The following DNAH14 variants were observed in gnomAD, a reference collection of about 807,000 sequenced individuals.
DNAH14 encodes the protein dynein axonemal heavy chain 14.
A neutral mutation model predicts 520.9 loss-of-function variants in DNAH14; 478 were observed. That is an observed-to-expected ratio of 0.92 (90% confidence interval 0.85 to 0.99). The LOEUF (loss-of-function observed/expected upper bound fraction) is 0.99, where lower values mean the gene tolerates loss of function less well. Among genes scored for constraint, DNAH14 ranks in the 50% least tolerant of loss-of-function variants. The pLI, the probability that DNAH14 is intolerant of heterozygous loss-of-function variation, is 0.00. For missense variants in DNAH14, 4,831 were observed against 5,234.5 expected, an observed-to-expected ratio of 0.92 and a Z score of 2.38; for synonymous variants, 1,581 against 1,757.2, an observed-to-expected ratio of 0.90 and a Z score of 2.51.
At chr1:225,398,298 C>T (rs896425200) in intron 84 of DNAH14, among the ~76,000 whole-genome samples, 23 of 152,174 alleles carry the variant, frequency 1.5e-4, no homozygotes, top group African/African-American at 5.5e-4. Context: ...GGAAAAAATA[C>T]ATATATTTCA....
intron 46 of DNAH14, among the ~76,000 whole-genome samples, chr1:225,261,406 T>C (rs185765341): frequency 6.6e-6 from 1 of 152,356 alleles, no homozygotes; most frequent in Admixed American, 6.5e-5. Flanking sequence ...TTATAGTTTT[T>C]GTCTTTCATT....
chr1:225,120,392 G>A (rs2077192876), intron 26 of DNAH14, among the ~76,000 whole-genome samples: 1 of 152,130 alleles, frequency 6.6e-6, no homozygotes, highest in African/African-American at 2.4e-5. Flanking sequence ...GAAAAATTTT[G>A]GGAGGTTCAG....
Position 225,335,388 on chromosome 1 carries a change from T to C in DNAH14, c.10081-1878T>C, listed in dbSNP as rs1315139359. 3.8e-5 allele frequency among the ~76,000 whole-genome samples: 4 copies of C among 104,218 alleles called. 1 individual carries two copies. The highest frequency in any genetic ancestry group is 7.9e-5 in the Non-Finnish European group (4 of 50,446). 68.4% of individuals were successfully genotyped at this position (104,218 alleles called of 152,430 possible). A position where few individuals can be genotyped will look rare whatever the true frequency, so the allele number is the denominator to read the frequency against. On this transcript the variant is annotated intron_variant, in intron 66 of 85. Coordinates refer to ENST00000682510, the MANE Select transcript of DNAH14 (RefSeq NM_001367479.1). ...GTGTACATGTGTGTGTATATGCACA[T>C]ATACACATGTGTACATGTGTGTGTA...
intron 23 of DNAH14, among the ~76,000 whole-genome samples, chr1:225,109,568 T>C (rs61849833): frequency 6.6e-6 from 1 of 152,144 alleles, no homozygotes; most frequent in Non-Finnish European, 1.5e-5. Flanking sequence ...TTGTATTCTG[T>C]AACTTTACTT....
At chr1:225,357,315 TA>T (rs537481703) in intron 73 of DNAH14, among the ~76,000 whole-genome samples, 298 of 143,540 alleles carry the variant, frequency 2.1e-3, no homozygotes, top group East Asian at 2.2e-3. Flanking sequence ...CTCCTACCTC[TA>T]AAAAAAAAAA....
intron 1 of DNAH14, among the ~76,000 whole-genome samples, chr1:224,934,580 C>T (rs1387940436): frequency 6.6e-6 from 1 of 151,578 alleles, no homozygotes. Flanking sequence ...TTGATATCCC[C>T]AAGGGCAAAG....
At chr1:225,153,867 T>C (rs1303138868) in intron 34 of DNAH14, 41 bp downstream of exon 34, 1 of 1,426,146 alleles carries the variant, frequency 7.0e-7, no homozygotes, top group African/African-American at 1.4e-5. Flanking sequence ...GGGAGTTATA[T>C]ACTGCTGGGA....
chr1:225,229,474 T>C (rs776672176), intron 41 of DNAH14, among the ~76,000 whole-genome samples: 1 of 152,232 alleles, frequency 6.6e-6, no homozygotes, highest in Non-Finnish European at 1.5e-5. Context: ...CATATGTATG[T>C]TTATTGTAGC....
At chr1:225,071,065 A>G (rs1379751542) in intron 17 of DNAH14, among the ~76,000 whole-genome samples, 2 of 152,050 alleles carry the variant, frequency 1.3e-5, no homozygotes, top group Non-Finnish European at 2.9e-5. Flanking sequence ...TTTTTAGCCT[A>G]TGTGTGTCAT....
chr1:224,932,464 C>T (rs560486837), intron 1 of DNAH14, among the ~76,000 whole-genome samples: 41 of 152,022 alleles, frequency 2.7e-4, no homozygotes, highest in African/African-American at 8.7e-4. Flanking sequence ...AGTTTAAGTC[C>T]GATTTGTCTA....
chr1:225,368,033 G>T lies in DNAH14; in HGVS notation c.12318+1G>T, dbSNP rs752676591. On this transcript the variant is annotated splice_donor_variant, in intron 77 of 85. Coordinates refer to ENST00000682510, the MANE Select transcript of DNAH14 (RefSeq NM_001367479.1). LOFTEE classifies it high-confidence loss of function. ...TAAATTTAATTCTTCAGACTTGGGG[G>T]TAAGTGTAGTCTCTTCAAACAAACA... 1.9e-6 allele frequency: 3 copies of T among 1,543,120 alleles called. No homozygotes were observed. The African/African-American group carries it at 4.1e-5, about 21-fold the overall frequency.
At chr1:225,095,023 T>C (rs113779957) in intron 21 of DNAH14, among the ~76,000 whole-genome samples, 2,247 of 152,148 alleles carry the variant, frequency 0.015, 43 homozygotes, top group African/African-American at 0.051. Flanking sequence ...AAATAACAGA[T>C]GCCAGTGAGG....
chr1:224,995,836 A>G (rs1368577995), intron 8 of DNAH14, among the ~76,000 whole-genome samples: 1 of 151,670 alleles, frequency 6.6e-6, no homozygotes, highest in African/African-American at 2.4e-5. Flanking sequence ...GAAACTCTCT[A>G]TTGCATTATT....
chr1:225,341,330 A>G (rs889590091), intron 69 of DNAH14, among the ~76,000 whole-genome samples: 3 of 152,140 alleles, frequency 2.0e-5, no homozygotes, highest in Non-Finnish European at 4.4e-5. Context: ...TCCCATTAAA[A>G]CATGCTGTTG....
At chr1:225,052,880 A>G (rs749694914) in intron 17 of DNAH14, among the ~76,000 whole-genome samples, 2 of 152,186 alleles carry the variant, frequency 1.3e-5, no homozygotes, top group African/African-American at 2.4e-5. Context: ...AAGAGACAAC[A>G]TAGGGCTAGT....
chr1:225,365,450 G>A (rs954252282), intron 76 of DNAH14, among the ~76,000 whole-genome samples: 3 of 152,142 alleles, frequency 2.0e-5, no homozygotes, highest in East Asian at 1.9e-4. Context: ...CCAGACTCCC[G>A]ATCACGTGCA....
intron 11 of DNAH14, among the ~76,000 whole-genome samples, chr1:225,033,523 C>A (rs1012380434): frequency 6.6e-6 from 1 of 151,968 alleles, no homozygotes; most frequent in Non-Finnish European, 1.5e-5. Flanking sequence ...GTTCTTCCAG[C>A]TTTATTCTTT....
intron 66 of DNAH14, among the ~76,000 whole-genome samples, chr1:225,335,133 G>A (rs1397400371): frequency 1.2e-4 from 16 of 137,910 alleles, no homozygotes; most frequent in African/African-American, 2.5e-4. Context: ...GTACATATGT[G>A]CATGTGCACA....
intron 54 of DNAH14, among the ~76,000 whole-genome samples, chr1:225,289,264 A>G (rs1436404570): frequency 6.6e-6 from 1 of 152,142 alleles, no homozygotes; most frequent in African/African-American, 2.4e-5. Flanking sequence ...AGATGAAAAC[A>G]TATTAGTGAT....
Sources: gnomAD v4.1 joint callset for allele counts (sites outside exome capture counted in the v4.1 genomes callset) on GRCh38, gnomAD v4.1.1 for gene constraint, MANE v1.5 for transcripts, NCBI Gene and HGNC (gene_info 2026-07-23, HGNC 2026-07-21) for gene names.